The following UMAD1 variants were observed in gnomAD, a reference collection of about 807,000 sequenced individuals.
UMAD1 encodes the protein UBAP1-MVB12-associated (UMA)-domain containing protein 1.
UMAD1 carries 8 observed loss-of-function variants against 6.1 expected under a neutral mutation model. The ratio of observed to expected loss-of-function variants is 1.30; its 90% CI spans 0.76 to 2.35. UMAD1 has a LOEUF of 2.35. Ranked by LOEUF, UMAD1 falls within the 30% of genes most tolerant of loss-of-function variation. UMAD1 has a pLI of 0.00. For missense variants in UMAD1, 130 were observed against 78.4 expected (o/e 1.66, Z -2.49); for synonymous variants, 56 against 31.4 (o/e 1.78, Z -2.61).
chr7:7,649,506 A>C (rs970266602), intron 1 of UMAD1, among the ~76,000 whole-genome samples: 1 of 152,248 alleles, frequency 6.6e-6, no homozygotes, highest in South Asian at 2.1e-4. Context: ...ACTTTGGGGA[A>C]CATATTCAAA....
intron 3 of UMAD1, among the ~76,000 whole-genome samples, chr7:7,810,482 A>G (rs897627104): frequency 2.6e-5 from 4 of 152,180 alleles, no homozygotes; most frequent in Non-Finnish European, 5.9e-5. Context: ...AATAAAATAT[A>G]CAGATATAGT....
intron 2 of UMAD1, among the ~76,000 whole-genome samples, chr7:7,785,759 A>C (rs1782450022): frequency 1.3e-5 from 2 of 152,186 alleles, no homozygotes; most frequent in African/African-American, 4.8e-5. Context: ...GTGGGGAGTG[A>C]GGGAGGAAGA....
chr7:7,828,443 A>C (rs1367942500), intron 3 of UMAD1, among the ~76,000 whole-genome samples: 1 of 152,218 alleles, frequency 6.6e-6, no homozygotes, highest in Non-Finnish European at 1.5e-5. Flanking sequence ...GGTTCAGTCC[A>C]AACACTTAAG....
At chr7:7,674,122 T>A (rs941424196) in intron 2 of UMAD1, among the ~76,000 whole-genome samples, 1 of 152,202 alleles carries the variant, frequency 6.6e-6, no homozygotes, top group African/African-American at 2.4e-5. Context: ...TGTGGGGTAG[T>A]CAAACCCAGT....
At chr7:7,755,937 C>G (rs1781767436) in intron 2 of UMAD1, among the ~76,000 whole-genome samples, 1 of 152,118 alleles carries the variant, frequency 6.6e-6, no homozygotes, top group Non-Finnish European at 1.5e-5. Flanking sequence ...AATATATGGA[C>G]TGACACACAC....
intron 2 of UMAD1, among the ~76,000 whole-genome samples, chr7:7,772,789 G>C (rs762622197): frequency 6.6e-6 from 1 of 152,176 alleles, no homozygotes; most frequent in African/African-American, 2.4e-5. Flanking sequence ...AGATGGTAGG[G>C]TACAGTTTGT....
intron 2 of UMAD1, among the ~76,000 whole-genome samples, chr7:7,683,735 G>C (rs914985777): frequency 1.3e-5 from 2 of 151,908 alleles, no homozygotes; most frequent in South Asian, 4.2e-4. Context: ...TGATTCTCCT[G>C]CCTCAGCCTC....
intron 3 of UMAD1, among the ~76,000 whole-genome samples, chr7:7,827,379 G>A (rs73674642): frequency 0.14 from 21,029 of 151,886 alleles, 1,633 homozygotes; most frequent in Non-Finnish European, 0.17. Flanking sequence ...GAATAGCAGA[G>A]GGCAGTCCTC....
At chr7:7,691,704 GT>G (rs1780176278) in intron 2 of UMAD1, among the ~76,000 whole-genome samples, 1 of 151,830 alleles carries the variant, frequency 6.6e-6, no homozygotes, top group South Asian at 2.1e-4. Context: ...ACCCTTTTTT[GT>G]TCTATGTATT....
intron 3 of UMAD1, among the ~76,000 whole-genome samples, chr7:7,846,179 C>A (rs1783779090): frequency 2.6e-5 from 4 of 152,120 alleles, no homozygotes; most frequent in Admixed American, 2.0e-4. Flanking sequence ...TACTATTTAT[C>A]TGTAAGGTAG....
chr7:7,704,968 C>G (rs1019354015), intron 2 of UMAD1, among the ~76,000 whole-genome samples: 2 of 152,064 alleles, frequency 1.3e-5, no homozygotes, highest in African/African-American at 2.4e-5. Flanking sequence ...TCTGGATAAA[C>G]TCAGCATGCC....
chr7:7,797,707 G>A (rs546336783), intron 2 of UMAD1, among the ~76,000 whole-genome samples: 4 of 97,800 alleles, frequency 4.1e-5, no homozygotes, highest in South Asian at 6.3e-4. Flanking sequence ...TTTTTTTTTT[G>A]AGACGAGGTC....
In UMAD1 at chr7:7,742,578, A is replaced by T. The variant is rs1781493569; in HGVS notation, c.83-59092A>T. 4 of 511,714 alleles carry T rather than the reference A, an allele frequency of 7.8e-6. No individual in the cohort carries two copies. In the Admixed American group the frequency reaches 8.5e-5, roughly 11 times the overall value. The allele number at this position is 511,714 out of a possible 1,614,324, so 31.7% of individuals were successfully genotyped here. On this transcript the variant is annotated intron_variant, in intron 2 of 3. Transcript: ENST00000682710. The stretch of plus-strand genomic sequence containing the variant: ...TCGGCGCCATCTTGTGAAAAGGGTC[A>T]GGACAATTTCTAGAAGGATTAAAGG...
intron 2 of UMAD1, among the ~76,000 whole-genome samples, chr7:7,730,363 C>T (rs561780258): frequency 6.6e-6 from 1 of 152,304 alleles, no homozygotes; most frequent in African/African-American, 2.4e-5. Context: ...TAACATGCAG[C>T]TAAGATGGAG....
In UMAD1 at chr7:7,878,459, C is replaced by A. The variant is rs1467252063; in HGVS notation, c.*921C>A. 7 of 152,144 alleles carry A rather than the reference C, an allele frequency of 4.6e-5. No homozygotes were observed. Among genetic ancestry groups the A allele is most frequent in the Non-Finnish European group, 1.0e-4 (7 of 68,032 alleles). The allele number at this position is 152,144 out of a possible 1,614,324, so 9.4% of individuals were successfully genotyped here. A position where few individuals can be genotyped will look rare whatever the true frequency, so the allele number is the denominator to read the frequency against. On this transcript the variant is annotated 3_prime_UTR_variant, in exon 4 of 4. Coordinates refer to ENST00000682710, the MANE Select transcript of UMAD1 (RefSeq NM_001302348.2). ...TTACTGCTGGAAAAACTGAAATCAA[C>A]TCATTTCCAATTAGAGTATAGGCAG...
chr7:7,755,613 G>C (rs1022683497), intron 2 of UMAD1, among the ~76,000 whole-genome samples: 2 of 152,216 alleles, frequency 1.3e-5, no homozygotes, highest in South Asian at 2.1e-4. Context: ...TAAAGAAAAG[G>C]CTTTTGTATT....
intron 2 of UMAD1, among the ~76,000 whole-genome samples, chr7:7,683,578 C>T (rs946833342): frequency 1.3e-5 from 2 of 151,786 alleles, no homozygotes; most frequent in South Asian, 2.1e-4. Context: ...AGAAAAAGAG[C>T]AGAAAGCTTC....
At chr7:7,865,078 G>A (rs1216031301) in intron 3 of UMAD1, among the ~76,000 whole-genome samples, 1 of 152,054 alleles carries the variant, frequency 6.6e-6, no homozygotes, top group African/African-American at 2.4e-5. Context: ...GTTCATGAGG[G>A]TATCCTCTGT....
chr7:7,644,410 T>G (rs1270635534), intron 1 of UMAD1, among the ~76,000 whole-genome samples: 1 of 151,920 alleles, frequency 6.6e-6, no homozygotes, highest in African/African-American at 2.4e-5. Flanking sequence ...TTTTCCCCCT[T>G]AAGTTTAATG....
Sources: allele counts gnomAD v4.1 joint callset (sites outside exome capture counted in the v4.1 genomes callset), GRCh38; gene constraint gnomAD v4.1.1; transcripts MANE v1.5; gene names NCBI Gene and HGNC (gene_info 2026-07-23, HGNC 2026-07-21).